Variants in CBX1 observed in about 807,000 individuals in gnomAD.
CBX1 encodes chromobox 1.
CBX1 carries 10 observed loss-of-function variants against 25.1 expected under a neutral mutation model. That is an observed-to-expected ratio of 0.40 (90% CI 0.25 to 0.68). CBX1 has a LOEUF of 0.68. CBX1 is among the 30% of genes least tolerant of loss of function. The pLI is 0.40. For synonymous variants in CBX1, 63 were observed against 79.4 expected (o/e 0.79, Z 1.10); for missense variants, 106 against 218.5 (o/e 0.49, Z 3.25).
chr17:48,096,299 C>T (rs1394460150), intron 1 of CBX1: 1 of 970,840 alleles, frequency 1.0e-6, no homozygotes. Context: ...TGGAAAACCC[C>T]TTGAGTATGT....
Position 48,078,925 on chromosome 17 carries a change from G to A in CBX1, c.-37-1884C>T, listed in dbSNP as rs531552562. Among the ~76,000 whole-genome samples, 11 of 150,856 alleles carry A rather than the reference G, an allele frequency of 7.3e-5. No homozygotes were observed. The South Asian group carries it at 2.3e-3, about 32-fold the overall frequency. On this transcript the variant is annotated intron_variant, in intron 1 of 4. Transcript: ENST00000225603. ...CTGTCTCAGCCTCCTGAGTAGCTGGGACTACAGGTGTGAGCTACCACGCCC... is the reference window on the plus strand; with the variant it reads ...CTGTCTCAGCCTCCTGAGTAGCTGGAACTACAGGTGTGAGCTACCACGCCC...
intron 1 of CBX1, among the ~76,000 whole-genome samples, chr17:48,096,940 AAAAT>A (rs2063378645): frequency 6.6e-6 from 1 of 152,026 alleles, no homozygotes; most frequent in African/African-American, 2.4e-5. Context: ...TTATGTGAGA[AAAAT>A]AAAAGTTCAA....
chr17:48,099,870 G>A (rs2063398008), intron 1 of CBX1, among the ~76,000 whole-genome samples: 1 of 152,160 alleles, frequency 6.6e-6, no homozygotes, highest in African/African-American at 2.4e-5. Flanking sequence ...GCCAGGCGCA[G>A]TGGCTCACGC....
intron 1 of CBX1, among the ~76,000 whole-genome samples, chr17:48,078,312 C>T (rs1312427399): frequency 6.6e-6 from 1 of 152,000 alleles, no homozygotes; most frequent in Non-Finnish European, 1.5e-5. Context: ...CCTGCCTCAG[C>T]CTCCTGAGTA....
intron 1 of CBX1, among the ~76,000 whole-genome samples, chr17:48,081,425 T>C (rs1197097825): frequency 2.0e-5 from 3 of 152,176 alleles, no homozygotes; most frequent in Non-Finnish European, 4.4e-5. Flanking sequence ...AGCATTCTCA[T>C]GACTTCGATC....
intron 1 of CBX1, among the ~76,000 whole-genome samples, chr17:48,078,199 G>GT (rs527319158): frequency 0.021 from 3,018 of 143,702 alleles, 61 homozygotes; most frequent in African/African-American, 0.051. Context: ...ATTTGAATTT[G>GT]TTTTTTTTTT....
intron 1 of CBX1, among the ~76,000 whole-genome samples, chr17:48,091,872 T>C (rs1393643176): frequency 1.3e-5 from 2 of 151,068 alleles, no homozygotes; most frequent in Non-Finnish European, 2.9e-5. Flanking sequence ...AGAGAGGGGG[T>C]TTCACCATGT....
At chr17:48,081,911 T>A (rs1245548627) in intron 1 of CBX1, among the ~76,000 whole-genome samples, 2 of 152,196 alleles carry the variant, frequency 1.3e-5, no homozygotes, top group Non-Finnish European at 1.5e-5. Flanking sequence ...CGTGTTTTTT[T>A]GTTTACAATT....
rs1215949397 is a variant in CBX1 at position 48,092,519 on chromosome 17, C to T, written c.-38+8749G>A. Among the ~76,000 whole-genome samples the T allele has an allele frequency of 6.0e-5, 9 of 150,162 alleles. No homozygotes were observed. In the East Asian group the frequency reaches 1.9e-3, roughly 32 times the overall value. ...CTCTGTTGCCCAGGCTAGAGTGCAG[C>T]TATCTTGGCTCACAACCTCCACCTC... On this transcript the variant is annotated intron_variant, in intron 1 of 4. Transcript: ENST00000225603.
intron 1 of CBX1, among the ~76,000 whole-genome samples, chr17:48,094,611 T>A (rs911314791): frequency 6.7e-6 from 1 of 149,576 alleles, no homozygotes. Flanking sequence ...GCACCTGTAG[T>A]CCCAGCTACT....
chr17:48,075,041 T>C lies in CBX1; in HGVS notation c.378A>G (p.Thr126=). Residue 126 remains threonine, a synonymous_variant, in exon 4 of 5, where the codon ACA becomes ACG. Transcript: ENST00000225603. The stretch of plus-strand genomic sequence containing the variant: ...GGAACATGAGCTCTCCACTGGAGTC[T>C]GTAGCTCCAATAATCCGCTCCGGCT... The part of the protein sequence containing the change: ...GLEPERIIGA[T]DSSGELMFLM... 2.5e-6 allele frequency: 4 copies of C among 1,613,890 alleles called. No homozygotes were observed. The highest frequency in any genetic ancestry group is 2.2e-5 in the East Asian group (1 of 44,888).
intron 1 of CBX1, among the ~76,000 whole-genome samples, 157 bp from the exon 2 acceptor site, chr17:48,077,198 T>A (rs2037682698): frequency 1.3e-5 from 2 of 152,178 alleles, no homozygotes; most frequent in South Asian, 2.1e-4. Flanking sequence ...ACAAAATAGT[T>A]TTCTGATATG....
intron 1 of CBX1, chr17:48,096,458 A>G (rs2063375417): frequency 1.2e-6 from 1 of 803,542 alleles, no homozygotes; most frequent in Non-Finnish European, 1.5e-6. Flanking sequence ...CAGAATTATG[A>G]CTACATTGGA....
chr17:48,082,427 G>A (rs928104613), intron 1 of CBX1, among the ~76,000 whole-genome samples: 6 of 147,422 alleles, frequency 4.1e-5, no homozygotes, highest in African/African-American at 1.5e-4. Flanking sequence ...GCGTGAACTC[G>A]GGTAGCGGAG....
rs1188880393 is a variant in CBX1 at position 48,093,540 on chromosome 17, A to G, written c.-38+7728T>C. 3.3e-5 allele frequency among the ~76,000 whole-genome samples: 5 copies of G among 152,176 alleles called. No homozygotes were observed. In the East Asian group the frequency reaches 9.6e-4, roughly 29 times the overall value. ...TTTGAAAAGGTGTACTGGTAGGGCA[A>G]TTTGGCTTCAGGAACTGTTGTAAAC... On this transcript the variant is annotated intron_variant, in intron 1 of 4. Transcript: ENST00000225603.
Position 48,070,185 on chromosome 17 carries a change from T to A in CBX1, c.*1250A>T, listed in dbSNP as rs1267207098. On this transcript the variant is annotated 3_prime_UTR_variant, in exon 5 of 5. Coordinates refer to ENST00000225603, the MANE Select transcript of CBX1 (RefSeq NM_001127228.2). ...TTTACAACGTAGCTCTAGATGCAAGTCTAGACAATATCAAGAACTGATGGT... is the reference window on the plus strand; with the variant it reads ...TTTACAACGTAGCTCTAGATGCAAGACTAGACAATATCAAGAACTGATGGT... The A allele has an allele frequency of 6.6e-6, 1 of 152,634 alleles. No homozygotes were observed. Among genetic ancestry groups the A allele is most frequent in the Non-Finnish European group, 1.5e-5 (1 of 68,050 alleles). The allele number at this position is 152,634 out of a possible 1,614,324, so 9.5% of individuals were successfully genotyped here.
At chr17:48,074,875 C>T (rs893525548) in intron 4 of CBX1, 131 bp downstream of exon 4, 25 of 734,140 alleles carry the variant, frequency 3.4e-5, no homozygotes, top group East Asian at 7.4e-5. Context: ...GGGTCACTAT[C>T]GAAGGACTAT....
At chr17:48,086,062 C>T (rs560360048) in intron 1 of CBX1, among the ~76,000 whole-genome samples, 29 of 152,216 alleles carry the variant, frequency 1.9e-4, no homozygotes, top group African/African-American at 6.7e-4. Flanking sequence ...CACAGCGAGA[C>T]TCTGTCTCAA....
At chr17:48,096,685 G>C (rs543854436) in intron 1 of CBX1, among the ~76,000 whole-genome samples, 1 of 152,160 alleles carries the variant, frequency 6.6e-6, no homozygotes, top group African/African-American at 2.4e-5. Flanking sequence ...TGAGGCAGGA[G>C]AATCACTTGA....
Sources: allele counts gnomAD v4.1 joint callset (sites outside exome capture counted in the v4.1 genomes callset), GRCh38; gene constraint gnomAD v4.1.1; transcripts MANE v1.5; gene names NCBI Gene and HGNC (gene_info 2026-07-23, HGNC 2026-07-21).